FUT8: variants seen among roughly 807,000 people sequenced by gnomAD.
FUT8 encodes fucosyltransferase 8.
In FUT8, 29 loss-of-function variants were observed where a neutral mutation model predicts 71.3. The observed-to-expected ratio is 0.41, with a 90% CI of 0.30 to 0.55. The LOEUF (loss-of-function observed/expected upper bound fraction) is 0.55. Ranked by LOEUF, FUT8 falls within the 20% of genes least tolerant of loss-of-function variation. FUT8 has a pLI of 0.34. For missense variants in FUT8, 544 were observed against 702.1 expected (o/e 0.77, Z 2.55); for synonymous variants, 254 against 239.3 (o/e 1.06, Z -0.57).
At chr14:65,388,358 A>G in the FUT8 span, among the ~76,000 whole-genome samples, 1 of 152,348 alleles carries the variant, frequency 6.6e-6, no homozygotes, top group South Asian at 2.1e-4. Flanking sequence ...TGTATTAGAT[A>G]TGTAGTAAGT....
At chr14:65,498,146 T>G (rs563698548) in intron 2 of FUT8, among the ~76,000 whole-genome samples, 63 of 152,302 alleles carry the variant, frequency 4.1e-4, no homozygotes, top group African/African-American at 1.5e-3. Context: ...CTGTCTATTC[T>G]TTTGAGTTTT....
rs1889316740 is a variant in FUT8, at chr14:65,616,956, T to G, written c.482+583T>G. On this transcript the variant is annotated intron_variant, in intron 5 of 10. Coordinates refer to ENST00000673929, the MANE Select transcript of FUT8 (RefSeq NM_001371533.1). ...GCACACGTTGCTAAATAATATGAAGTTTATCTTCCACAGAAAAGAAAACAT... is the reference window on the plus strand; with the variant it reads ...GCACACGTTGCTAAATAATATGAAGGTTATCTTCCACAGAAAAGAAAACAT... 23 of 1,052,370 alleles carry G rather than the reference T, an allele frequency of 2.2e-5. No individual in the cohort carries two copies. In the East Asian group the frequency reaches 7.1e-4, roughly 32 times the overall value. The allele number at this position is 1,052,370 out of a possible 1,614,324, so 65.2% of individuals were successfully genotyped here.
At chr14:65,511,973 C>T (rs572591264) in intron 2 of FUT8, among the ~76,000 whole-genome samples, 28 of 151,224 alleles carry the variant, frequency 1.9e-4, no homozygotes, top group Admixed American at 9.8e-4. Context: ...TCTTCCCTTA[C>T]GTCTTTCTTT....
chr14:65,500,823 A>G (rs2066634185), intron 2 of FUT8, among the ~76,000 whole-genome samples: 2 of 152,330 alleles, frequency 1.3e-5, no homozygotes, highest in South Asian at 2.1e-4. Flanking sequence ...ATTAGCGTTG[A>G]AAACTTGTAT....
chr14:65,406,796 C>T (rs545928721), upstream of FUT8, among the ~76,000 whole-genome samples: 17 of 152,302 alleles, frequency 1.1e-4, 1 homozygote, highest in South Asian at 1.7e-3. Flanking sequence ...CATCGGCCTC[C>T]CAAAGTGCTG....
chr14:65,689,907 G>T (rs1286367263), intron 7 of FUT8, among the ~76,000 whole-genome samples: 1 of 152,132 alleles, frequency 6.6e-6, no homozygotes, highest in Non-Finnish European at 1.5e-5. Context: ...TGCTTTTGGT[G>T]TTATATCTGA....
At position 65,603,144 on chromosome 14, in the gene FUT8, G is replaced by C. The variant is rs1213933862; in HGVS notation, c.204-12834G>C. 6.6e-6 allele frequency among the ~76,000 whole-genome samples: 1 copy of C among 151,922 alleles called. No homozygotes were observed. Among genetic ancestry groups the C allele is most frequent in the Admixed American group, 6.6e-5 (1 of 15,214 alleles). On this transcript the variant is annotated intron_variant, in intron 3 of 10. Coordinates refer to ENST00000673929, the MANE Select transcript of FUT8 (RefSeq NM_001371533.1). This position sits in a 1 kb window ranked among gnomAD's most constrained non-coding sequence, Gnocchi z 4.5. Reference sequence around the variant, plus strand: ...TAGATTTAAGTCCTTGATCCATCTTGAGTTGATTTTTGTGTAAGGTGAGAG... The same window carrying C: ...TAGATTTAAGTCCTTGATCCATCTTCAGTTGATTTTTGTGTAAGGTGAGAG...
intron 2 of FUT8, among the ~76,000 whole-genome samples, chr14:65,495,069 G>C (rs1163424819): frequency 6.6e-6 from 1 of 151,750 alleles, no homozygotes. Context: ...TGTTGGTTTA[G>C]GGACTTTGTA....
intron 6 of FUT8, among the ~76,000 whole-genome samples, chr14:65,633,669 A>G (rs1459800451): frequency 4.8e-5 from 7 of 146,506 alleles, no homozygotes; most frequent in African/African-American, 2.5e-5. Context: ...CTGCCCGGCC[A>G]CGACCCCGTC....
chr14:65,537,979 G>C (rs1247762633), intron 2 of FUT8, among the ~76,000 whole-genome samples: 1 of 152,184 alleles, frequency 6.6e-6, no homozygotes, highest in African/African-American at 2.4e-5. Context: ...GTGGCAATGT[G>C]GCGGGGTGCA....
intron 2 of FUT8, among the ~76,000 whole-genome samples, chr14:65,543,619 G>T (rs969522908): frequency 3.9e-5 from 6 of 152,070 alleles, no homozygotes; most frequent in African/African-American, 1.4e-4. Flanking sequence ...CTTGTTTTTA[G>T]GGTCCCAGTT....
intron 1 of FUT8, among the ~76,000 whole-genome samples, chr14:65,421,735 A>AG (rs1566736635): frequency 2.9e-5 from 1 of 34,366 alleles, no homozygotes; most frequent in African/African-American, 8.5e-5. Flanking sequence ...AAACCCTTTA[A>AG]CCCACCCCCC....
intron 2 of FUT8, among the ~76,000 whole-genome samples, chr14:65,547,939 T>G (rs749644257): frequency 6.6e-6 from 1 of 151,922 alleles, no homozygotes; most frequent in East Asian, 1.9e-4. Context: ...TGTTCCAAGA[T>G]TCAATTCAGG....
chr14:65,424,671 C>CT (rs935425014), intron 1 of FUT8, among the ~76,000 whole-genome samples: 1 of 149,560 alleles, frequency 6.7e-6, no homozygotes, highest in Non-Finnish European at 1.5e-5. Context: ...CCGTCTTTTT[C>CT]TTTTTTTGAC....
intron 2 of FUT8, among the ~76,000 whole-genome samples, chr14:65,477,499 G>C (rs1259608379): frequency 6.6e-6 from 1 of 152,090 alleles, no homozygotes; most frequent in Non-Finnish European, 1.5e-5. Context: ...AAATACCTAA[G>C]TCAGTCAATT....
intron 3 of FUT8, among the ~76,000 whole-genome samples, chr14:65,584,179 CTT>C (rs5809283): frequency 1.8e-3 from 231 of 125,866 alleles, no homozygotes; most frequent in Middle Eastern, 4.0e-3. Context: ...CACGCCCAGC[CTT>C]TTTTTTTTTT....
At chr14:65,650,104 C>T (rs368628662) in intron 6 of FUT8, among the ~76,000 whole-genome samples, 1 of 146,618 alleles carries the variant, frequency 6.8e-6, no homozygotes, top group Non-Finnish European at 1.5e-5. Context: ...AGACCATCCT[C>T]GCTAACACAG....
the FUT8 span, among the ~76,000 whole-genome samples, chr14:65,383,094 A>C: frequency 6.6e-6 from 1 of 151,896 alleles, no homozygotes; most frequent in Non-Finnish European, 1.5e-5. Context: ...ACCACCAACC[A>C]ACGCCCCATT....
intron 10 of FUT8, among the ~76,000 whole-genome samples, chr14:65,736,878 C>G (rs374479753): frequency 6.6e-6 from 1 of 152,070 alleles, no homozygotes. Flanking sequence ...AATTCTTTGA[C>G]AATCTTTAAG....
Sources: gnomAD v4.1 joint callset for allele counts (sites outside exome capture counted in the v4.1 genomes callset) on GRCh38, gnomAD v4.1.1 for gene constraint, Gnocchi (gnomAD v3.1) non-coding constraint, MANE v1.5 for transcripts, NCBI Gene and HGNC (gene_info 2026-07-23, HGNC 2026-07-21) for gene names.